RANBP2: variants seen among roughly 807,000 people sequenced by gnomAD.
RANBP2 encodes the protein E3 SUMO-protein ligase RanBP2.
Under a neutral mutation model 303.6 loss-of-function variants are expected in RANBP2, and 57 were observed. The observed-to-expected ratio is 0.19, with a 90% CI of 0.15 to 0.23. The LOEUF is 0.23. RANBP2 is among the 10% of genes least tolerant of loss of function. RANBP2 has a pLI of 1.00. For synonymous variants in RANBP2, 1,167 were observed against 1,301.5 expected (o/e 0.90, Z 2.23); for missense variants, 3,138 against 3,780.8 (o/e 0.83, Z 4.46).
the RANBP2 span, among the ~76,000 whole-genome samples, chr2:109,232,584 G>C: frequency 6.6e-6 from 1 of 152,158 alleles, no homozygotes; most frequent in Non-Finnish European, 1.5e-5. Flanking sequence ...CCTAAAAGGA[G>C]ACCAACTGTG....
At chr2:109,407,133 G>A in the RANBP2 span, among the ~76,000 whole-genome samples, 1 of 152,210 alleles carries the variant, frequency 6.6e-6, no homozygotes, top group East Asian at 1.9e-4. Context: ...CCAGAGTGTG[G>A]TCAGATGCAG....
chr2:109,449,338 T>TC, the RANBP2 span: 1 of 1,603,932 alleles, frequency 6.2e-7, no homozygotes, highest in East Asian at 2.2e-5. Context: ...CGGCCGGCCA[T>TC]CCCCCTCACA....
At chr2:109,176,870 G>A in the RANBP2 span, among the ~76,000 whole-genome samples, 5,280 of 152,272 alleles carry the variant, frequency 0.035, 133 homozygotes, top group Non-Finnish European at 0.053. Context: ...GTGTATTTAG[G>A]GGAGAAAGAT....
At chr2:109,647,154 A>ATTT in the RANBP2 span, among the ~76,000 whole-genome samples, 1 of 87,774 alleles carries the variant, frequency 1.1e-5, no homozygotes, top group South Asian at 3.9e-4. Flanking sequence ...GGCTCTCCTC[A>ATTT]CTTTTTTTTT....
At chr2:108,845,367 C>T in the RANBP2 span, among the ~76,000 whole-genome samples, 29 of 152,162 alleles carry the variant, frequency 1.9e-4, no homozygotes, top group African/African-American at 6.5e-4. Flanking sequence ...AATTTAAAAG[C>T]TAAAACTTAT....
chr2:108,832,373 G>A, the RANBP2 span, among the ~76,000 whole-genome samples: 1 of 133,264 alleles, frequency 7.5e-6, no homozygotes, highest in African/African-American at 2.9e-5. Context: ...TTGAGACAGA[G>A]TTTCACTCTT....
At chr2:109,133,722 ATTT>A in the RANBP2 span, among the ~76,000 whole-genome samples, 270 of 128,826 alleles carry the variant, frequency 2.1e-3, no homozygotes, top group African/African-American at 5.2e-3. Context: ...CCAAGGGACA[ATTT>A]TTTTTTTTTT....
the RANBP2 span, among the ~76,000 whole-genome samples, chr2:109,182,605 G>C: frequency 6.6e-6 from 1 of 152,178 alleles, no homozygotes; most frequent in African/African-American, 2.4e-5. Context: ...AGAATGAATC[G>C]ATGTTGCGTA....
the RANBP2 span, among the ~76,000 whole-genome samples, chr2:109,324,330 G>A: frequency 7.9e-5 from 12 of 152,190 alleles, no homozygotes; most frequent in African/African-American, 2.4e-4. Context: ...GTACTGGGTC[G>A]CATGGTAACT....
At chr2:108,847,171 A>G in the RANBP2 span, among the ~76,000 whole-genome samples, 11 of 152,322 alleles carry the variant, frequency 7.2e-5, no homozygotes, top group African/African-American at 2.2e-4. Context: ...TTCCCATAAC[A>G]ACCTTTGCCT....
the RANBP2 span, chr2:108,911,152 AGCAATGGCCCT>A: frequency 6.4e-7 from 1 of 1,555,472 alleles, no homozygotes; most frequent in Non-Finnish European, 8.9e-7. Context: ...GGCCCCTGGA[AGCAATGGCCCT>A]GCCCCTGGGA....
chr2:109,397,704 T>A, the RANBP2 span, among the ~76,000 whole-genome samples: 1 of 152,092 alleles, frequency 6.6e-6, no homozygotes, highest in South Asian at 2.1e-4. Context: ...TCACGGACCT[T>A]CCCCCAGTGG....
At chr2:108,986,645 T>G in the RANBP2 span, among the ~76,000 whole-genome samples, 1 of 152,198 alleles carries the variant, frequency 6.6e-6, no homozygotes, top group Non-Finnish European at 1.5e-5. Context: ...CTCAATTTCC[T>G]TATTGGGAAA....
chr2:109,153,941 A>G, the RANBP2 span, among the ~76,000 whole-genome samples: 1 of 152,238 alleles, frequency 6.6e-6, no homozygotes, highest in African/African-American at 2.4e-5. Flanking sequence ...TTATAAAATT[A>G]TTAAGAATTT....
chr2:109,129,578 C>G, the RANBP2 span: 4 of 1,484,546 alleles, frequency 2.7e-6, no homozygotes, highest in Admixed American at 9.2e-5. Context: ...GCATCCAAGG[C>G]GGCCGCCGCT....
the RANBP2 span, among the ~76,000 whole-genome samples, chr2:109,636,089 A>G: frequency 6.6e-6 from 1 of 152,220 alleles, no homozygotes; most frequent in East Asian, 1.9e-4. Context: ...AGAAGGCACC[A>G]TCTGTGAACC....
the RANBP2 span, among the ~76,000 whole-genome samples, chr2:109,326,907 C>T: frequency 3.7e-4 from 57 of 152,342 alleles, no homozygotes; most frequent in Non-Finnish European, 6.2e-4. Flanking sequence ...CACACCTGAG[C>T]ACGCTGGCTC....
At chr2:109,439,401 TTTTC>T in the RANBP2 span, among the ~76,000 whole-genome samples, 20 of 152,280 alleles carry the variant, frequency 1.3e-4, 1 homozygote, top group Admixed American at 1.2e-3. Flanking sequence ...TCCTGCGGCA[TTTTC>T]CACTTCATTC....
At chr2:109,262,978 G>GCGCAC in the RANBP2 span, among the ~76,000 whole-genome samples, 1 of 151,894 alleles carries the variant, frequency 6.6e-6, no homozygotes, top group Non-Finnish European at 1.5e-5. Context: ...GAGTACAGGT[G>GCGCAC]CCCGCCACCA....
Sources: allele counts gnomAD v4.1 joint callset (sites outside exome capture counted in the v4.1 genomes callset), GRCh38; gene constraint gnomAD v4.1.1; transcripts MANE v1.5; gene names NCBI Gene and HGNC (gene_info 2026-07-23, HGNC 2026-07-21).